SNTB2: variants seen among roughly 807,000 people sequenced by gnomAD.
The protein encoded by SNTB2 is syntrophin beta 2.
Under a neutral mutation model 46.2 loss-of-function variants are expected in SNTB2, and 34 were observed. The observed-to-expected ratio is 0.74, with a 90% CI of 0.56 to 0.98. The LOEUF (loss-of-function observed/expected upper bound fraction) is 0.98. SNTB2 is among the 50% of genes least tolerant of loss of function. SNTB2 has a pLI of 0.00. For synonymous variants in SNTB2, 290 were observed against 312.6 expected, an observed-to-expected ratio of 0.93 and a Z score of 0.76; for missense variants, 603 against 731.4, an observed-to-expected ratio of 0.82 and a Z score of 2.02.
chr16:69,211,652 C>T (rs967815356), intron 1 of SNTB2, among the ~76,000 whole-genome samples: 3 of 151,934 alleles, frequency 2.0e-5, no homozygotes, highest in Non-Finnish European at 4.4e-5. Flanking sequence ...TATATTAAAG[C>T]TAGGGCCAAA....
At chr16:69,274,190 T>C (rs1367851525) in intron 4 of SNTB2, among the ~76,000 whole-genome samples, 1 of 151,408 alleles carries the variant, frequency 6.6e-6, no homozygotes, top group African/African-American at 2.4e-5. Context: ...CATATGCCCG[T>C]AATCCCAGCT....
intron 1 of SNTB2, among the ~76,000 whole-genome samples, chr16:69,235,290 G>A (rs1201395738): frequency 6.6e-6 from 1 of 151,864 alleles, no homozygotes; most frequent in Admixed American, 6.6e-5. Context: ...TTAATTTTAC[G>A]TAGAATAGGT....
chr16:69,300,063 AT>A (rs11350758), intron 6 of SNTB2, among the ~76,000 whole-genome samples: 41,027 of 150,722 alleles, frequency 0.27, 6,126 homozygotes, highest in African/African-American at 0.38. Context: ...TGCCTGGCCA[AT>A]TTTTTATATT....
chr16:69,253,237 C>T (rs909867001), intron 2 of SNTB2, among the ~76,000 whole-genome samples: 8 of 151,954 alleles, frequency 5.3e-5, no homozygotes, highest in African/African-American at 1.9e-4. Flanking sequence ...AAGGTGGACT[C>T]TTTTGGATCC....
At chr16:69,197,916 A>G (rs918462915) in intron 1 of SNTB2, among the ~76,000 whole-genome samples, 7 of 152,200 alleles carry the variant, frequency 4.6e-5, no homozygotes, top group South Asian at 2.1e-4. Flanking sequence ...ATTACATTCT[A>G]GGATAAAAAT....
chr16:69,214,396 C>T (rs555595615), intron 1 of SNTB2, among the ~76,000 whole-genome samples: 15 of 150,754 alleles, frequency 9.9e-5, no homozygotes, highest in African/African-American at 3.2e-4. Flanking sequence ...GATCTGCCCA[C>T]CTCAGCCTCC....
chr16:69,192,406 T>G (rs1964063832), intron 1 of SNTB2, among the ~76,000 whole-genome samples: 1 of 152,224 alleles, frequency 6.6e-6, no homozygotes, highest in South Asian at 2.1e-4. Flanking sequence ...AGTTTATCAG[T>G]GGAAAAGTGA....
chr16:69,258,760 T>C (rs143713310), intron 2 of SNTB2, among the ~76,000 whole-genome samples: 2,989 of 151,918 alleles, frequency 0.02, 51 homozygotes, highest in Non-Finnish European at 0.031. Context: ...TACAGGCATG[T>C]GCCATCACGC....
chr16:69,294,585 T>C (rs1315485090), intron 5 of SNTB2, among the ~76,000 whole-genome samples: 1 of 150,902 alleles, frequency 6.6e-6, no homozygotes, highest in Non-Finnish European at 1.5e-5. Flanking sequence ...ATACAAAAAT[T>C]AGCAGGGCGT....
intron 2 of SNTB2, among the ~76,000 whole-genome samples, chr16:69,251,369 A>ATT (rs1033325082): frequency 8.4e-6 from 1 of 118,410 alleles, no homozygotes; most frequent in African/African-American, 3.2e-5. Flanking sequence ...GTAATGTCCT[A>ATT]TTTTTTTTTT....
intron 1 of SNTB2, among the ~76,000 whole-genome samples, chr16:69,242,776 C>G (rs1042831008): frequency 1.3e-5 from 2 of 152,152 alleles, no homozygotes; most frequent in Non-Finnish European, 2.9e-5. Context: ...TATCCCAGCA[C>G]TTTGGGAGGC....
chr16:69,257,630 A>G (rs1339671020), intron 2 of SNTB2, among the ~76,000 whole-genome samples: 2 of 151,976 alleles, frequency 1.3e-5, no homozygotes, highest in African/African-American at 2.4e-5. Flanking sequence ...TGTTTTTAAT[A>G]GAGACGGGGT....
At chr16:69,235,211 C>T (rs1235689255) in intron 1 of SNTB2, among the ~76,000 whole-genome samples, 1 of 151,366 alleles carries the variant, frequency 6.6e-6, no homozygotes, top group Non-Finnish European at 1.5e-5. Flanking sequence ...GGTAGGATTA[C>T]AGGCATGAGC....
chr16:69,223,654 A>T (rs2152293942), intron 1 of SNTB2, among the ~76,000 whole-genome samples: 1 of 148,766 alleles, frequency 6.7e-6, no homozygotes, highest in South Asian at 2.1e-4. Flanking sequence ...TTTGAGACGG[A>T]GTCTCGCTCT....
intron 3 of SNTB2, among the ~76,000 whole-genome samples, chr16:69,266,388 A>ACAAAG (rs1164908990): frequency 6.6e-6 from 1 of 151,182 alleles, no homozygotes; most frequent in Non-Finnish European, 1.5e-5. Flanking sequence ...ACAAAACAAA[A>ACAAAG]CAAAAAAAAG....
chr16:69,274,727 G>T (rs531294214), intron 4 of SNTB2, among the ~76,000 whole-genome samples: 1 of 151,712 alleles, frequency 6.6e-6, no homozygotes, highest in African/African-American at 2.4e-5. Flanking sequence ...TTCTTGGGAG[G>T]CTGGAAGAGT....
chr16:69,262,754 G>A (rs993125527), intron 3 of SNTB2, among the ~76,000 whole-genome samples: 2 of 151,906 alleles, frequency 1.3e-5, no homozygotes, highest in Non-Finnish European at 2.9e-5. Context: ...TCAGCTCACT[G>A]CAACCTCTGC....
intron 1 of SNTB2, among the ~76,000 whole-genome samples, chr16:69,225,254 T>C (rs1964447771): frequency 6.6e-6 from 1 of 152,258 alleles, no homozygotes; most frequent in Non-Finnish European, 1.5e-5. Flanking sequence ...GATGGAGTGG[T>C]TGCTGACCCT....
intron 4 of SNTB2, among the ~76,000 whole-genome samples, chr16:69,281,050 C>T (rs1351308663): frequency 6.6e-6 from 1 of 152,156 alleles, no homozygotes; most frequent in Non-Finnish European, 1.5e-5. Flanking sequence ...CCGCCTCGGC[C>T]TCCCAAAGTG....
Sources: gnomAD v4.1 joint callset for allele counts (sites outside exome capture counted in the v4.1 genomes callset) on GRCh38, gnomAD v4.1.1 for gene constraint, MANE v1.5 for transcripts, NCBI Gene and HGNC (gene_info 2026-07-23, HGNC 2026-07-21) for gene names.